TTC29: variants seen among roughly 807,000 people sequenced by gnomAD.
The protein encoded by TTC29 is tetratricopeptide repeat domain 29, also known as tetratricopeptide repeat protein 29.
A neutral mutation model predicts 58.1 loss-of-function variants in TTC29; 49 were observed. The ratio of observed to expected loss-of-function variants is 0.84; its 90% CI spans 0.67 to 1.07. TTC29 has a LOEUF of 1.07. Among genes scored for constraint, TTC29 ranks in the 50% least tolerant of loss-of-function variants. TTC29 has a pLI of 0.00. For missense variants in TTC29, 582 were observed against 555.6 expected (o/e 1.05, Z -0.48); for synonymous variants, 209 against 196.8 (o/e 1.06, Z -0.52).
intron 11 of TTC29, among the ~76,000 whole-genome samples, chr4:146,723,499 A>G (rs1743532833): frequency 6.6e-6 from 1 of 152,218 alleles, no homozygotes; most frequent in Admixed American, 6.5e-5. Context: ...ACAAATATTT[A>G]ATACCCAGAA....
At chr4:146,882,773 CT>C (rs576014578) in intron 6 of TTC29, among the ~76,000 whole-genome samples, 8 of 152,068 alleles carry the variant, frequency 5.3e-5, no homozygotes, top group African/African-American at 1.4e-4. Context: ...GGAGAGTTAA[CT>C]TTCCCCCTCC....
At chr4:146,820,609 T>C (rs1179665451) in intron 9 of TTC29, among the ~76,000 whole-genome samples, 3 of 152,326 alleles carry the variant, frequency 2.0e-5, no homozygotes, top group Non-Finnish European at 4.4e-5. Context: ...AAAAGTCATA[T>C]ACATGAAAGT....
In TTC29 at chr4:146,707,471, T is replaced by G. The variant is rs1398730742; in HGVS notation, c.1397+14A>C. On this transcript the variant is annotated intron_variant, in intron 12 of 12. Coordinates refer to ENST00000325106, the MANE Select transcript of TTC29 (RefSeq NM_031956.4). ...TGGGTACTTAATAGAAACTTTTTACTTGATTTATCATACCTACTGAGTTCT... is the reference window on the plus strand; with the variant it reads ...TGGGTACTTAATAGAAACTTTTTACGTGATTTATCATACCTACTGAGTTCT... 6.2e-7 allele frequency: 1 copy of G among 1,600,338 alleles called. No homozygotes were observed. The highest frequency in any genetic ancestry group is 1.1e-5 in the South Asian group (1 of 89,834).
intron 9 of TTC29, among the ~76,000 whole-genome samples, chr4:146,825,070 T>C (rs552768930): frequency 6.6e-6 from 1 of 152,286 alleles, no homozygotes; most frequent in South Asian, 2.1e-4. Context: ...ATTCATTGAT[T>C]TTTTGGAGGG....
chr4:146,858,576 C>G (rs1044551340), intron 8 of TTC29, among the ~76,000 whole-genome samples: 3 of 152,088 alleles, frequency 2.0e-5, no homozygotes, highest in Non-Finnish European at 4.4e-5. Flanking sequence ...GAGCAGAAGC[C>G]CGACATTGTG....
intron 11 of TTC29, among the ~76,000 whole-genome samples, chr4:146,740,873 GCACATGCAC>G (rs1424083439): frequency 1.3e-5 from 2 of 151,940 alleles, no homozygotes; most frequent in African/African-American, 4.8e-5. Context: ...GAAACTACAG[GCACATGCAC>G]CACCATGACT....
At chr4:146,805,471 A>T (rs755236283) in intron 10 of TTC29, among the ~76,000 whole-genome samples, 10 of 152,082 alleles carry the variant, frequency 6.6e-5, no homozygotes, top group Non-Finnish European at 1.5e-4. Flanking sequence ...ACCCAATTCA[A>T]GGAAGCTAAG....
chr4:146,787,604 G>A (rs1749118827), intron 11 of TTC29, among the ~76,000 whole-genome samples: 1 of 152,162 alleles, frequency 6.6e-6, no homozygotes, highest in African/African-American at 2.4e-5. Context: ...AGCATCGCTA[G>A]CCTAGTATCT....
intron 7 of TTC29, among the ~76,000 whole-genome samples, chr4:146,870,399 A>G (rs1730854677): frequency 6.6e-6 from 1 of 152,032 alleles, no homozygotes; most frequent in Non-Finnish European, 1.5e-5. Flanking sequence ...TCTATATTTT[A>G]AAATAAGAAA....
chr4:146,930,705 C>T (rs1311133202), intron 4 of TTC29, among the ~76,000 whole-genome samples: 1 of 152,144 alleles, frequency 6.6e-6, no homozygotes, highest in African/African-American at 2.4e-5. Context: ...AGAAAGAAGA[C>T]ACTATCAAAG....
chr4:146,844,554 T>A (rs556497853), intron 8 of TTC29, among the ~76,000 whole-genome samples: 57 of 152,250 alleles, frequency 3.7e-4, no homozygotes, highest in Non-Finnish European at 1.5e-5. Flanking sequence ...TTATTTTTAT[T>A]TTTTATTTTA....
intron 8 of TTC29, among the ~76,000 whole-genome samples, chr4:146,862,474 T>C (rs1014058160): frequency 2.6e-5 from 4 of 151,978 alleles, no homozygotes; most frequent in African/African-American, 9.7e-5. Context: ...TAAAAGGAGA[T>C]TCAATTGAAA....
At chr4:146,887,920 C>T (rs1027185555) in intron 6 of TTC29, among the ~76,000 whole-genome samples, 1 of 151,898 alleles carries the variant, frequency 6.6e-6, no homozygotes, top group Non-Finnish European at 1.5e-5. Context: ...TATGCAGTGG[C>T]CCAGCATCAA....
chr4:146,727,423 A>AAT (rs1743878616), intron 11 of TTC29, among the ~76,000 whole-genome samples: 1 of 152,216 alleles, frequency 6.6e-6, no homozygotes, highest in African/African-American at 2.4e-5. Flanking sequence ...GTTTTGAAAA[A>AAT]TATATAATGA....
chr4:146,874,603 T>C (rs1348780970), intron 7 of TTC29, 113 bp downstream of exon 7: 3 of 852,786 alleles, frequency 3.5e-6, no homozygotes, highest in Admixed American at 2.5e-5. Flanking sequence ...CATTTGTCTT[T>C]GCATTTCATA....
intron 9 of TTC29, among the ~76,000 whole-genome samples, chr4:146,828,293 A>T (rs1727939577): frequency 6.6e-6 from 1 of 152,156 alleles, no homozygotes; most frequent in Non-Finnish European, 1.5e-5. Flanking sequence ...AGAGAACTTG[A>T]GTATAAAATA....
chr4:146,713,644 A>G (rs1210396456), intron 11 of TTC29, among the ~76,000 whole-genome samples: 1 of 152,098 alleles, frequency 6.6e-6, no homozygotes, highest in African/African-American at 2.4e-5. Flanking sequence ...ATATTACAGG[A>G]TCTGGTATAT....
chr4:146,759,614 T>G (rs926615594), intron 11 of TTC29, among the ~76,000 whole-genome samples: 2 of 152,078 alleles, frequency 1.3e-5, no homozygotes, highest in African/African-American at 2.4e-5. Context: ...ATACCAAGGA[T>G]GCAGGGATGG....
intron 11 of TTC29, among the ~76,000 whole-genome samples, chr4:146,785,940 A>T (rs552889556): frequency 6.6e-6 from 1 of 150,998 alleles, no homozygotes; most frequent in South Asian, 2.1e-4. Flanking sequence ...GAATTGGGTT[A>T]TTAAAGAATA....
Sources: gnomAD v4.1 joint callset for allele counts (sites outside exome capture counted in the v4.1 genomes callset) on GRCh38, gnomAD v4.1.1 for gene constraint, MANE v1.5 for transcripts, NCBI Gene and HGNC (gene_info 2026-07-23, HGNC 2026-07-21) for gene names.